RFX3: variants seen among roughly 807,000 people sequenced by gnomAD.
The protein encoded by RFX3 is regulatory factor X3, also known as transcription factor RFX3.
RFX3 carries 14 observed loss-of-function variants against 98.6 expected under a neutral mutation model. The observed-to-expected ratio is 0.14, with a 90% confidence interval of 0.09 to 0.22. The LOEUF is 0.22. Ranked by LOEUF, RFX3 falls within the 10% of genes least tolerant of loss-of-function variation. The pLI is 1.00. For synonymous variants in RFX3, 383 were observed against 328.4 expected (o/e 1.17, Z -1.80); for missense variants, 639 against 926.9 (o/e 0.69, Z 4.03).
chr9:3,493,724 T>TATAC (rs1342313043), intron 1 of RFX3, among the ~76,000 whole-genome samples: 3 of 137,676 alleles, frequency 2.2e-5, no homozygotes, highest in Non-Finnish European at 4.6e-5. Flanking sequence ...TATATATATA[T>TATAC]ATACATACAT....
intron 4 of RFX3, among the ~76,000 whole-genome samples, chr9:3,313,263 T>C (rs189712950): frequency 1.1e-3 from 169 of 152,324 alleles, no homozygotes; most frequent in Non-Finnish European, 2.0e-3. Flanking sequence ...GGGTCTGGAA[T>C]GGACCTCCAG....
intron 15 of RFX3, among the ~76,000 whole-genome samples, chr9:3,229,703 C>T (rs1818239063): frequency 1.3e-5 from 2 of 152,130 alleles, no homozygotes; most frequent in Admixed American, 1.3e-4. Context: ...ACTTTTAAAA[C>T]AGTAAACATT....
Position 3,435,584 on chromosome 9 carries a change from TTTTA to T in RFX3, c.-8-39992_-8-39989del, listed in dbSNP as rs545829152. Among the ~76,000 whole-genome samples the T allele has an allele frequency of 2.9e-3, 441 of 152,062 alleles. 1 individual carries two copies. The highest frequency in any genetic ancestry group is 7.3e-3 in the South Asian group (35 of 4,826). On this transcript the variant is annotated intron_variant, in intron 1 of 16. Coordinates refer to ENST00000617270, the MANE Select transcript of RFX3 (RefSeq NM_001282116.2). ...CCTCATTATGCAGTTCATGACTGCATTTTATTTATTTATACGGTGATTTTTACAA... is the reference window on the plus strand; with the variant it reads ...CCTCATTATGCAGTTCATGACTGCATTTTATTTATACGGTGATTTTTACAA...
chr9:3,297,450 T>G lies in RFX3; in HGVS notation c.549+4096A>C, dbSNP rs1043547274. On this transcript the variant is annotated intron_variant, in intron 5 of 16. Transcript: ENST00000617270. The stretch of plus-strand genomic sequence containing the variant: ...TGCATTTAATCTGTATTAATCAAGA[T>G]AGACTAAAGATGAATGGTTCCTGTT... Among the ~76,000 whole-genome samples, 5 of 152,090 alleles carry G rather than the reference T, an allele frequency of 3.3e-5. 1 individual carries two copies. The highest frequency in any genetic ancestry group is 2.6e-4 in the Admixed American group (4 of 15,234).
At chr9:3,266,063 T>C (rs963993311) in intron 12 of RFX3, 145 bp downstream of exon 12, 19 of 488,026 alleles carry the variant, frequency 3.9e-5, no homozygotes, top group Non-Finnish European at 6.1e-5. Context: ...GGTTATAAAA[T>C]ACAAATATAA....
chr9:3,260,286 T>C (rs1006049496), intron 13 of RFX3, among the ~76,000 whole-genome samples: 1 of 151,690 alleles, frequency 6.6e-6, no homozygotes, highest in Non-Finnish European at 1.5e-5. Flanking sequence ...TAGTCAAAAA[T>C]AGAGGAAAAG....
rs146127296 is a variant in RFX3, at chr9:3,435,601, G to A, written c.-8-40005C>T. The stretch of plus-strand genomic sequence containing the variant: ...TGACTGCATTTTATTTATTTATACG[G>A]TGATTTTTACAAATTCCATTTACTC... On this transcript the variant is annotated intron_variant, in intron 1 of 16. Coordinates refer to ENST00000617270, the MANE Select transcript of RFX3 (RefSeq NM_001282116.2). 6.9e-4 allele frequency among the ~76,000 whole-genome samples: 104 copies of A among 151,712 alleles called. 1 individual carries two copies. The highest frequency in any genetic ancestry group is 2.4e-3 in the African/African-American group (100 of 41,416).
chr9:3,267,093 A>C (rs1823745815), intron 11 of RFX3, among the ~76,000 whole-genome samples: 2 of 152,036 alleles, frequency 1.3e-5, no homozygotes, highest in African/African-American at 2.4e-5. Flanking sequence ...CTATTTTATA[A>C]GAAAAAATCT....
intron 1 of RFX3, among the ~76,000 whole-genome samples, chr9:3,498,768 C>T (rs1172403388): frequency 6.6e-6 from 1 of 152,052 alleles, no homozygotes; most frequent in Non-Finnish European, 1.5e-5. Context: ...GAAAAGAAAA[C>T]CATGACAACT....
At chr9:3,455,559 T>A (rs1331239738) in intron 1 of RFX3, among the ~76,000 whole-genome samples, 1 of 152,204 alleles carries the variant, frequency 6.6e-6, no homozygotes, top group Non-Finnish European at 1.5e-5. Flanking sequence ...AGGTCAGTTT[T>A]TCTGTTTTTA....
chr9:3,401,107 A>T (rs1297573106), intron 1 of RFX3, among the ~76,000 whole-genome samples: 4 of 152,218 alleles, frequency 2.6e-5, no homozygotes, highest in Non-Finnish European at 5.9e-5. Flanking sequence ...CCTCTCTCTG[A>T]CACCAAAGTT....
At chr9:3,266,704 C>T (rs935467033) in intron 11 of RFX3, among the ~76,000 whole-genome samples, 13 of 151,992 alleles carry the variant, frequency 8.6e-5, no homozygotes, top group Non-Finnish European at 1.8e-4. Context: ...CTTTCAAGCT[C>T]TTAATCTATT....
At chr9:3,228,793 A>G (rs1818098289) in intron 16 of RFX3, 54 bp downstream of exon 16, 1 of 1,456,530 alleles carries the variant, frequency 6.9e-7, no homozygotes, top group Non-Finnish European at 9.5e-7. Flanking sequence ...TTCCTCTGTA[A>G]GAACTTATTA....
At chr9:3,257,284 C>T in intron 13 of RFX3, 85 bp from the exon 14 acceptor site, 1 of 1,080,780 alleles carries the variant, frequency 9.3e-7, no homozygotes, top group East Asian at 2.4e-5. Context: ...GATGCAAGAA[C>T]AGAAAATTAT....
In RFX3 at chr9:3,400,903, A is replaced by G. The variant is rs547442056; in HGVS notation, c.-8-5307T>C. ...CCAAAAGCCACACAACTAGTAAGAG[A>G]AAAAGCCTGAATTCACTTGATGTCT... On this transcript the variant is annotated intron_variant, in intron 1 of 16. Coordinates refer to ENST00000617270, the MANE Select transcript of RFX3 (RefSeq NM_001282116.2). 5.0e-3 allele frequency among the ~76,000 whole-genome samples: 766 copies of G among 152,332 alleles called. 4 individuals carry two copies. The highest frequency in any genetic ancestry group is 0.017 in the African/African-American group (698 of 41,574).
intron 11 of RFX3, among the ~76,000 whole-genome samples, chr9:3,270,126 G>GAAA (rs369052815): frequency 6.7e-3 from 714 of 106,252 alleles, no homozygotes; most frequent in Non-Finnish European, 8.6e-3. Flanking sequence ...AAGAAAGAAA[G>GAAA]GAAAGAAAGA....
chr9:3,367,422 C>A (rs1837336121), intron 2 of RFX3, among the ~76,000 whole-genome samples: 1 of 152,144 alleles, frequency 6.6e-6, no homozygotes, highest in Non-Finnish European at 1.5e-5. Context: ...TAAACAAAAG[C>A]CCCATGTGAC....
At chr9:3,298,664 TAAG>T (rs1828293381) in intron 5 of RFX3, among the ~76,000 whole-genome samples, 2 of 151,770 alleles carry the variant, frequency 1.3e-5, no homozygotes, top group African/African-American at 4.8e-5. Flanking sequence ...TTAATTCTCT[TAAG>T]AATATGTTGA....
chr9:3,306,589 G>A (rs1225225063), intron 4 of RFX3, among the ~76,000 whole-genome samples: 1 of 139,960 alleles, frequency 7.1e-6, no homozygotes, highest in Non-Finnish European at 1.5e-5. Flanking sequence ...ATCACACACC[G>A]GGGACTGTTG....
Sources: allele counts gnomAD v4.1 joint callset (sites outside exome capture counted in the v4.1 genomes callset), GRCh38; gene constraint gnomAD v4.1.1; transcripts MANE v1.5; gene names NCBI Gene and HGNC (gene_info 2026-07-23, HGNC 2026-07-21).